Variants in SLCO1B1 observed in about 807,000 individuals in gnomAD.
SLCO1B1 encodes solute carrier organic anion transporter family member 1B1.
Under a neutral mutation model 70.1 loss-of-function variants are expected in SLCO1B1, and 81 were observed. The observed-to-expected ratio is 1.16, with a 90% confidence interval of 0.97 to 1.39. The LOEUF is 1.39. Among genes scored for constraint, SLCO1B1 ranks in the 40% most tolerant of loss-of-function variants. The pLI is 0.00. For synonymous variants in SLCO1B1, 283 were observed against 271.5 expected (o/e 1.04, Z -0.42); for missense variants, 895 against 799.6 (o/e 1.12, Z -1.44).
chr12:21,196,539 G>A (rs576980693), intron 7 of SLCO1B1, among the ~76,000 whole-genome samples: 149 of 152,234 alleles, frequency 9.8e-4, no homozygotes, highest in Non-Finnish European at 1.9e-3. Flanking sequence ...CTTGCAAACT[G>A]CTAAAATTTC....
At chr12:21,198,245 T>C (rs1428331806) in intron 8 of SLCO1B1, among the ~76,000 whole-genome samples, 11 of 152,124 alleles carry the variant, frequency 7.2e-5, no homozygotes, top group Non-Finnish European at 1.5e-4. Flanking sequence ...TTCAGCTACA[T>C]TGGTAGGTTG....
At chr12:21,140,523 C>T (rs1940293830) in intron 1 of SLCO1B1, among the ~76,000 whole-genome samples, 1 of 151,882 alleles carries the variant, frequency 6.6e-6, no homozygotes, top group Admixed American at 6.6e-5. Flanking sequence ...ATTTATTCTG[C>T]AGATATGGCC....
chr12:21,231,940 T>C (rs1260222523), intron 14 of SLCO1B1, among the ~76,000 whole-genome samples: 2 of 152,124 alleles, frequency 1.3e-5, no homozygotes, highest in African/African-American at 4.8e-5. Context: ...TTAGAAATAG[T>C]AATCTCCTAG....
intron 14 of SLCO1B1, among the ~76,000 whole-genome samples, chr12:21,235,989 A>G (rs1011809846): frequency 4.6e-5 from 7 of 151,778 alleles, no homozygotes; most frequent in African/African-American, 1.5e-4. Flanking sequence ...TTGTTTTTTC[A>G]TGTTGAACTT....
intron 1 of SLCO1B1, among the ~76,000 whole-genome samples, chr12:21,139,944 A>T (rs997818184): frequency 6.6e-6 from 1 of 152,146 alleles, no homozygotes; most frequent in African/African-American, 2.4e-5. Flanking sequence ...GAGGGAAAAG[A>T]TACATATGCT....
chr12:21,234,994 T>TA (rs35056525), intron 14 of SLCO1B1, among the ~76,000 whole-genome samples: 16,017 of 151,664 alleles, frequency 0.11, 1,041 homozygotes, highest in Non-Finnish European at 0.14. Flanking sequence ...TATGAACAGA[T>TA]AAAAAATGCA....
intron 7 of SLCO1B1, among the ~76,000 whole-genome samples, chr12:21,195,642 G>A (rs929678554): frequency 1.3e-5 from 2 of 152,090 alleles, no homozygotes; most frequent in Non-Finnish European, 2.9e-5. Flanking sequence ...TAGGTTTGTG[G>A]TCGAAATATT....
chr12:21,139,187 A>T (rs990347384), intron 1 of SLCO1B1, among the ~76,000 whole-genome samples: 1 of 151,898 alleles, frequency 6.6e-6, no homozygotes, highest in Non-Finnish European at 1.5e-5. Context: ...CTATTATATA[A>T]TTTTTTTAAA....
chr12:21,178,845 A>G (rs1253574126), intron 6 of SLCO1B1, 77 bp from the exon 7 acceptor site: 9 of 1,374,934 alleles, frequency 6.5e-6, no homozygotes, highest in Non-Finnish European at 9.3e-6. Context: ...GTATTGTATC[A>G]TATTTCTTTT....
intron 14 of SLCO1B1, among the ~76,000 whole-genome samples, chr12:21,237,215 A>G (rs553676728): frequency 2.0e-5 from 3 of 152,202 alleles, no homozygotes; most frequent in South Asian, 2.1e-4. Flanking sequence ...CTTTATGTAT[A>G]TCAAGTTTCT....
chr12:21,226,587 TA>T (rs1941484526), intron 14 of SLCO1B1, among the ~76,000 whole-genome samples: 1 of 152,110 alleles, frequency 6.6e-6, no homozygotes, highest in Non-Finnish European at 1.5e-5. Context: ...CAGGGCATTT[TA>T]AGGGTGGTGA....
Position 21,224,711 on chromosome 12 carries a change from T to C in SLCO1B1, c.1748-11T>C. 1 of 1,445,598 alleles carries C rather than the reference T, an allele frequency of 6.9e-7. No homozygotes were observed. The highest frequency in any genetic ancestry group is 9.7e-7 in the Non-Finnish European group (1 of 1,027,974). 89.5% of individuals were successfully genotyped at this position (1,445,598 alleles called of 1,614,324 possible). Reference sequence around the variant, plus strand: ...TTCCCTAAACTGACATCTTCTCTTCTCCTATTACAGGAGGAATTCTAGCTC... The same window carrying C: ...TTCCCTAAACTGACATCTTCTCTTCCCCTATTACAGGAGGAATTCTAGCTC... On this transcript the variant is annotated splice_polypyrimidine_tract_variant and intron_variant, in intron 13 of 14. Transcript: ENST00000256958.
intron 10 of SLCO1B1, among the ~76,000 whole-genome samples, chr12:21,203,603 G>A (rs1279438748): frequency 1.3e-5 from 2 of 151,984 alleles, no homozygotes; most frequent in Non-Finnish European, 2.9e-5. Flanking sequence ...TAAACATTGT[G>A]CTATTCTTGG....
chr12:21,179,073 C>A, intron 7 of SLCO1B1, 53 bp downstream of exon 7: 1 of 1,113,216 alleles, frequency 9.0e-7, no homozygotes, highest in Non-Finnish European at 1.4e-6. Flanking sequence ...AGCACACATG[C>A]GAAAAACATT....
At chr12:21,200,829 A>G (rs1329105848) in intron 9 of SLCO1B1, among the ~76,000 whole-genome samples, 157 bp downstream of exon 9, 1 of 152,144 alleles carries the variant, frequency 6.6e-6, no homozygotes, top group Non-Finnish European at 1.5e-5. Context: ...AAACATATAA[A>G]ACTTGTGATG....
chr12:21,235,530 T>A (rs1005779368), intron 14 of SLCO1B1, among the ~76,000 whole-genome samples: 2 of 151,494 alleles, frequency 1.3e-5, no homozygotes, highest in Admixed American at 1.3e-4. Flanking sequence ...ATGAAGCATT[T>A]AGGCAATTTA....
chr12:21,138,359 G>T (rs1940257548), intron 1 of SLCO1B1, among the ~76,000 whole-genome samples: 1 of 152,066 alleles, frequency 6.6e-6, no homozygotes, highest in Non-Finnish European at 1.5e-5. Context: ...AATGCCTATG[G>T]TTCTATCTTA....
chr12:21,145,718 G>C (rs1474009413), intron 2 of SLCO1B1, among the ~76,000 whole-genome samples: 1 of 151,832 alleles, frequency 6.6e-6, no homozygotes, highest in African/African-American at 2.4e-5. Context: ...GGAATTATGT[G>C]ACTTCTAGAT....
chr12:21,167,340 G>C (rs1465764064), intron 2 of SLCO1B1, among the ~76,000 whole-genome samples: 1 of 152,166 alleles, frequency 6.6e-6, no homozygotes, highest in Non-Finnish European at 1.5e-5. Context: ...CAGTGAGAGA[G>C]GAATGGGGGA....
Sources: gnomAD v4.1 joint callset for allele counts (sites outside exome capture counted in the v4.1 genomes callset) on GRCh38, gnomAD v4.1.1 for gene constraint, MANE v1.5 for transcripts, NCBI Gene and HGNC (gene_info 2026-07-23, HGNC 2026-07-21) for gene names.